The following ARFGEF1 variants were observed in gnomAD, a reference collection of about 807,000 sequenced individuals.
The protein encoded by ARFGEF1 is brefeldin A-inhibited guanine nucleotide-exchange protein 1.
ARFGEF1 carries 42 observed loss-of-function variants against 231.0 expected under a neutral mutation model. The ratio of observed to expected loss-of-function variants is 0.18; its 90% CI spans 0.14 to 0.24. The LOEUF (loss-of-function observed/expected upper bound fraction) is 0.24, where lower values mean the gene tolerates loss of function less well. ARFGEF1 is among the 10% of genes least tolerant of loss of function. ARFGEF1 has a pLI of 1.00. For synonymous variants in ARFGEF1, 710 were observed against 732.3 expected (o/e 0.97, Z 0.49); for missense variants, 1,345 against 2,192.0 (o/e 0.61, Z 7.72).
rs192057971 is a variant in ARFGEF1 at position 67,262,250 on chromosome 8, G to A, written c.2124-2324C>T. Among the ~76,000 whole-genome samples the A allele has an allele frequency of 7.5e-4, 114 of 152,284 alleles. 1 individual carries two copies. Among genetic ancestry groups the A allele is most frequent in the South Asian group, 3.3e-3 (16 of 4,828 alleles). ...TCTAACCCTTATGGACGATTTTCAG[G>A]AGTCCAAGACATCAGGGGAGGAAGT... On this transcript the variant is annotated intron_variant, in intron 14 of 38. Transcript: ENST00000262215.
intron 20 of ARFGEF1, 99 bp from the exon 21 acceptor site, chr8:67,238,992 T>TG: frequency 2.5e-6 from 1 of 393,794 alleles, no homozygotes; most frequent in Non-Finnish European, 3.6e-6. Flanking sequence ...TAAGATTTTG[T>TG]TTTTTTTTTT....
chr8:67,211,345 C>CAAA (rs375793043), intron 34 of ARFGEF1, 138 bp downstream of exon 34: 6,721 of 246,510 alleles, frequency 0.027, 337 homozygotes, highest in African/African-American at 0.18. Context: ...AACTCCGTCT[C>CAAA]AAAAAAAAAA....
intron 36 of ARFGEF1, among the ~76,000 whole-genome samples, chr8:67,202,225 A>G (rs1587024971): frequency 6.6e-6 from 1 of 152,006 alleles, no homozygotes; most frequent in East Asian, 1.9e-4. Flanking sequence ...TCCTCCCAGC[A>G]CTGTTTTGCA....
At position 67,222,210 on chromosome 8, in the gene ARFGEF1, CACAT is replaced by C. The variant is rs1255484958; in HGVS notation, c.4209-2654_4209-2651del. Among the ~76,000 whole-genome samples, 220 of 130,388 alleles carry C rather than the reference CACAT, an allele frequency of 1.7e-3. 4 individuals carry two copies. The highest frequency in any genetic ancestry group is 6.5e-3 in the African/African-American group (209 of 32,176). 85.5% of individuals were successfully genotyped at this position (130,388 alleles called of 152,430 possible). On this transcript the variant is annotated intron_variant, in intron 29 of 38. Coordinates refer to ENST00000262215, the MANE Select transcript of ARFGEF1 (RefSeq NM_006421.5). ...ATATATATATATATATATATACACA[CACAT>C]ATATATATATGTATATGTATGTATG... is the stretch of plus-strand genomic sequence containing the variant.
At chr8:67,261,746 T>C (rs1353181724) in intron 14 of ARFGEF1, among the ~76,000 whole-genome samples, 2 of 151,920 alleles carry the variant, frequency 1.3e-5, no homozygotes, top group East Asian at 3.9e-4. Context: ...GCTCAAATGA[T>C]CCTCCCACCT....
At chr8:67,224,052 C>T (rs977697746) in intron 29 of ARFGEF1, among the ~76,000 whole-genome samples, 14 of 151,858 alleles carry the variant, frequency 9.2e-5, no homozygotes, top group Non-Finnish European at 2.1e-4. Context: ...CAAATTTAAC[C>T]TTGGTGGGGG....
intron 1 of ARFGEF1, among the ~76,000 whole-genome samples, chr8:67,325,284 T>C (rs1231411431): frequency 6.6e-6 from 1 of 151,974 alleles, no homozygotes; most frequent in East Asian, 1.9e-4. Flanking sequence ...TAAACTATCA[T>C]CAACAAATTA....
chr8:67,232,974 GT>G, intron 22 of ARFGEF1, 29 bp from the exon 23 acceptor site: 1 of 1,539,854 alleles, frequency 6.5e-7, no homozygotes, highest in Non-Finnish European at 8.9e-7. Flanking sequence ...AGTCATTTCA[GT>G]TTGAAAATAA....
downstream of ARFGEF1, chr8:67,175,250 T>C: frequency 6.8e-7 from 1 of 1,467,082 alleles, no homozygotes; most frequent in Non-Finnish European, 9.4e-7. Context: ...AAATCCCATT[T>C]GAAAACAACA....
chr8:67,310,595 C>G (rs1385744083), intron 1 of ARFGEF1, among the ~76,000 whole-genome samples: 2 of 151,400 alleles, frequency 1.3e-5, no homozygotes, highest in African/African-American at 4.9e-5. Context: ...GCCTGGCTGC[C>G]CAGTCTGGAA....
rs777189480 is a variant in ARFGEF1, at chr8:67,276,054, T to G, written c.1259A>C (p.Gln420Pro). 1 of 1,613,494 alleles carries G rather than the reference T, an allele frequency of 6.2e-7. No homozygotes were observed. Among genetic ancestry groups the G allele is most frequent in the Admixed American group, 1.7e-5 (1 of 59,986 alleles). ...CCTGAATACTAGAAAGGCATCCTTT[T>G]GTAAAATGTGGGAAAACTTAGCACC... The part of the protein sequence containing the change: ...SPGAKFSHIL[Q>P]KDAFLVFRSL... The change falls in exon 9 of 39, where the codon CAA becomes CCA. Residue 420 changes from glutamine (Q) to proline (P), a missense_variant. Gln to Pro is a moderately conservative substitution (Grantham distance 76). Around this residue, in one of 14 missense-constraint regions of ARFGEF1, gnomAD observed 141 missense variants for 259.9 expected, o/e 0.54. Transcript: ENST00000262215.
intron 22 of ARFGEF1, among the ~76,000 whole-genome samples, chr8:67,236,365 A>AAT (rs34297561): frequency 5.7e-3 from 165 of 29,016 alleles, no homozygotes; most frequent in Non-Finnish European, 6.7e-3. Context: ...AAAAAAAAAA[A>AAT]ATATATATAT....
intron 1 of ARFGEF1, among the ~76,000 whole-genome samples, chr8:67,341,724 C>G (rs2128940468): frequency 6.6e-6 from 1 of 152,314 alleles, no homozygotes; most frequent in South Asian, 2.1e-4. Flanking sequence ...CCCAGTCTCA[C>G]TCCAATTTAA....
intron 1 of ARFGEF1, among the ~76,000 whole-genome samples, chr8:67,310,968 G>GGGGGTCAGCTCCCC (rs574813309): frequency 1 from 144,772 of 145,464 alleles, 72,044 homozygotes; most frequent in East Asian, 1. Flanking sequence ...AGGGAGGTGG[G>GGGGGTCAGCTCCCC]GCCCGGGAGG....
chr8:67,274,416 T>C (rs1168179990), intron 9 of ARFGEF1, among the ~76,000 whole-genome samples: 1 of 152,098 alleles, frequency 6.6e-6, no homozygotes, highest in African/African-American at 2.4e-5. Flanking sequence ...AATTCCATTG[T>C]TTAATGACCC....
At chr8:67,175,257 AAC>A (rs1215982941), downstream of ARFGEF1, 2 of 1,493,304 alleles carry the variant, frequency 1.3e-6, no homozygotes, top group African/African-American at 2.8e-5. Context: ...ATTTGAAAAC[AAC>A]ATTTAACTTA....
downstream of ARFGEF1, among the ~76,000 whole-genome samples, chr8:67,195,012 T>C (rs191717674): frequency 8.3e-3 from 1,270 of 152,352 alleles, 8 homozygotes; most frequent in Middle Eastern, 0.014. Context: ...AAATTTTATG[T>C]GTAGCCATTA....
At chr8:67,202,726 T>C (rs1325562725) in intron 36 of ARFGEF1, among the ~76,000 whole-genome samples, 1 of 152,212 alleles carries the variant, frequency 6.6e-6, no homozygotes, top group African/African-American at 2.4e-5. Flanking sequence ...GCCATTCAAA[T>C]ACACATGCCA....
intron 10 of ARFGEF1, among the ~76,000 whole-genome samples, chr8:67,267,690 A>G (rs1804904478): frequency 6.6e-6 from 1 of 152,198 alleles, no homozygotes; most frequent in African/African-American, 2.4e-5. Flanking sequence ...AGCTGCTACA[A>G]AAGAAATATG....
Sources: gnomAD v4.1 joint callset for allele counts (sites outside exome capture counted in the v4.1 genomes callset) on GRCh38, gnomAD v4.1.1 for gene constraint, gnomAD v4.1.1 regional missense constraint, MANE v1.5 for transcripts, NCBI Gene and HGNC (gene_info 2026-07-23, HGNC 2026-07-21) for gene names.